Variants in HERC1 observed in about 807,000 individuals in gnomAD.
HERC1 encodes HECT and RLD domain containing E3 ubiquitin protein ligase family member 1.
A neutral mutation model predicts 554.3 loss-of-function variants in HERC1; 160 were observed. That is an observed-to-expected ratio of 0.29 (90% CI 0.25 to 0.33). The LOEUF (loss-of-function observed/expected upper bound fraction) is 0.33, where lower values mean the gene tolerates loss of function less well. Among genes scored for constraint, HERC1 ranks in the 10% least tolerant of loss-of-function variants. The probability of loss-of-function intolerance (pLI) is 1.00; values close to 1 mark genes in which losing one functional copy is unlikely to be tolerated. For missense variants in HERC1, 4,919 were observed against 5,918.5 expected (o/e 0.83, Z 5.54); for synonymous variants, 2,175 against 2,131.7 (o/e 1.02, Z -0.56).
In HERC1 at chr15:63,686,503, A is replaced by T. The variant is rs975550549; in HGVS notation, c.6081T>A (p.Asn2027Lys). ...CAAAGGATACTTCTTGGATAGGAAG[A>T]TTCTCATCTTCTTCTTCCAACTCGC... is the stretch of plus-strand genomic sequence containing the variant. Reference protein sequence around the residue: ...KQGELEEEDENLPIQEVSFDP... With the variant: ...KQGELEEEDEKLPIQEVSFDP... Residue 2027 changes from asparagine (N) to lysine (K), a missense_variant, in exon 34 of 78, where the codon AAT (asparagine) becomes AAA (lysine). Around this residue, in one of 11 missense-constraint regions of HERC1, gnomAD observed 1,121 missense variants for 1,244.0 expected, o/e 0.90. Coordinates refer to ENST00000443617, the MANE Select transcript of HERC1 (RefSeq NM_003922.4). 1 of 1,613,552 alleles carries T rather than the reference A, an allele frequency of 6.2e-7. No homozygotes were observed. The highest frequency in any genetic ancestry group is 1.7e-4 in the Middle Eastern group (1 of 6,060).
chr15:63,622,059 A>C lies in HERC1; in HGVS notation c.13688+756T>G, dbSNP rs1184113337. On this transcript the variant is annotated intron_variant, in intron 74 of 77. Coordinates refer to ENST00000443617, the MANE Select transcript of HERC1 (RefSeq NM_003922.4). Reference sequence around the variant, plus strand: ...GAGCTGCGTAATCATTCTGTTTTTAATTTACAAGTCCATGAAACAGGATCC... The same window carrying C: ...GAGCTGCGTAATCATTCTGTTTTTACTTTACAAGTCCATGAAACAGGATCC... Among the ~76,000 whole-genome samples the C allele has an allele frequency of 9.2e-5, 14 of 152,184 alleles. No homozygotes were observed. The East Asian group carries it at 2.5e-3, about 27-fold the overall frequency.
At chr15:63,802,958 C>T (rs1179604857) in intron 1 of HERC1, among the ~76,000 whole-genome samples, 1 of 152,124 alleles carries the variant, frequency 6.6e-6, no homozygotes, top group East Asian at 1.9e-4. Flanking sequence ...GCCTATAATC[C>T]CAACACTTCG....
At chr15:63,610,876 G>GA (rs753860051) in intron 77 of HERC1, among the ~76,000 whole-genome samples, 4 of 152,206 alleles carry the variant, frequency 2.6e-5, no homozygotes, top group Non-Finnish European at 4.4e-5. Context: ...TGGGGATGGA[G>GA]ACAGAGGGAG....
chr15:63,810,293 T>A (rs896036418), intron 1 of HERC1, among the ~76,000 whole-genome samples: 3 of 152,048 alleles, frequency 2.0e-5, no homozygotes, highest in African/African-American at 7.2e-5. Context: ...GATGAATGGA[T>A]AAACAAAATG....
chr15:63,669,729 A>G, intron 39 of HERC1, 31 bp from the exon 40 acceptor site: 1 of 1,599,044 alleles, frequency 6.3e-7, no homozygotes, highest in Non-Finnish European at 8.6e-7. Context: ...TTAGCATAAA[A>G]ATCCAATTTA....
At position 63,694,710 on chromosome 15, in the gene HERC1, T is replaced by A; in HGVS notation, c.5242+64A>T. 15 of 1,598,090 alleles carry A rather than the reference T, an allele frequency of 9.4e-6. No homozygotes were observed. Among genetic ancestry groups the A allele is most frequent in the Non-Finnish European group, 1.3e-5 (15 of 1,165,456 alleles). ...TTAAACACAAAATATAGAACATAACTAGTACCATAACCTCGGGCTAAAATG... is the reference window on the plus strand; with the variant it reads ...TTAAACACAAAATATAGAACATAACAAGTACCATAACCTCGGGCTAAAATG... On this transcript the variant is annotated intron_variant, in intron 28 of 77. Coordinates refer to ENST00000443617, the MANE Select transcript of HERC1 (RefSeq NM_003922.4). This position sits in a 1 kb window ranked among gnomAD's most constrained non-coding sequence, Gnocchi z 4.3.
intron 39 of HERC1, among the ~76,000 whole-genome samples, chr15:63,671,710 A>C (rs1027247162): frequency 3.9e-5 from 6 of 152,210 alleles, no homozygotes; most frequent in African/African-American, 1.4e-4. Flanking sequence ...GGGCACACCA[A>C]AAATTGAGAA....
In HERC1 at chr15:63,609,044, T is replaced by C. The variant is rs143097937; in HGVS notation, c.*37A>G. ...AACATCAAATCAGAAGTGAGCATTA[T>C]TGAGGGAGAGAAGGGAGGGTGAGAG... On this transcript the variant is annotated 3_prime_UTR_variant, in exon 78 of 78. Coordinates refer to ENST00000443617, the MANE Select transcript of HERC1 (RefSeq NM_003922.4). 6.2e-4 allele frequency: 972 copies of C among 1,577,220 alleles called. 14 individuals carry two copies. The East Asian group carries it at 0.015, about 24-fold the overall frequency.
rs902372431 is a variant in HERC1 at position 63,716,157 on chromosome 15, A to T, written c.4150+145T>A. On this transcript the variant is annotated intron_variant, in intron 22 of 77. Transcript: ENST00000443617. Reference sequence around the variant, plus strand: ...TAGCACAGTTGTAGGAGCCCCTGTCAGCTAATACAAATTGAGATCACCAGC... The same window carrying T: ...TAGCACAGTTGTAGGAGCCCCTGTCTGCTAATACAAATTGAGATCACCAGC... The T allele has an allele frequency of 1.6e-5, 11 of 689,560 alleles. No individual in the cohort carries two copies. The East Asian group carries it at 2.9e-4, about 18-fold the overall frequency. 42.7% of individuals were successfully genotyped at this position (689,560 alleles called of 1,614,324 possible).
At position 63,723,367 on chromosome 15, in the gene HERC1, AC is replaced by A; in HGVS notation, c.3569-13del. The A allele has an allele frequency of 6.6e-7, 1 of 1,512,706 alleles. No homozygotes were observed. The highest frequency in any genetic ancestry group is 1.3e-5 in the South Asian group (1 of 78,292). The allele number at this position is 1,512,706 out of a possible 1,614,324, so 93.7% of individuals were successfully genotyped here. ...ACTCATACATTTATCTAAAAAAAAT[AC>A]TCACGTTACCAATTTTAACATCATA... On this transcript the variant is annotated splice_polypyrimidine_tract_variant and intron_variant, in intron 18 of 77. Coordinates refer to ENST00000443617, the MANE Select transcript of HERC1 (RefSeq NM_003922.4).
intron 12 of HERC1, among the ~76,000 whole-genome samples, chr15:63,738,420 C>T: frequency 6.6e-6 from 1 of 151,968 alleles, no homozygotes; most frequent in Non-Finnish European, 1.5e-5. Context: ...TAGTATTAAA[C>T]CAATACTAAT....
At chr15:63,681,582 C>G (rs933139621) in intron 34 of HERC1, among the ~76,000 whole-genome samples, 27 of 151,270 alleles carry the variant, frequency 1.8e-4, no homozygotes, top group Middle Eastern at 3.4e-3. Flanking sequence ...GTTTCTTACA[C>G]TGATTTAAAA....
chr15:63,776,170 C>A (rs978304993), intron 1 of HERC1, among the ~76,000 whole-genome samples: 2 of 152,134 alleles, frequency 1.3e-5, no homozygotes, highest in Non-Finnish European at 1.5e-5. Context: ...TATCTCCAAC[C>A]CAGGCCTTCT....
chr15:63,696,892 C>A (rs1359634495), intron 26 of HERC1, among the ~76,000 whole-genome samples: 1 of 149,646 alleles, frequency 6.7e-6, no homozygotes, highest in Non-Finnish European at 1.5e-5. Flanking sequence ...CCTAGGAAGA[C>A]ACTCCCCATC....
At chr15:63,782,851 T>G (rs143293711) in intron 1 of HERC1, among the ~76,000 whole-genome samples, 304 of 152,292 alleles carry the variant, frequency 2.0e-3, no homozygotes, top group African/African-American at 7.2e-3. Flanking sequence ...TACGGATGAC[T>G]TTGAGAGGTT....
chr15:63,645,146 G>C, intron 56 of HERC1, 49 bp from the exon 57 acceptor site: 3 of 1,319,668 alleles, frequency 2.3e-6, no homozygotes, highest in Non-Finnish European at 3.3e-6. Context: ...TATGCATTAA[G>C]TAAAAATATT....
intron 1 of HERC1, among the ~76,000 whole-genome samples, chr15:63,801,935 A>G (rs1464231980): frequency 6.6e-6 from 1 of 152,192 alleles, no homozygotes; most frequent in African/African-American, 2.4e-5. Context: ...AGCATGATAT[A>G]CCCACTCAGA....
At chr15:63,729,751 G>C in intron 14 of HERC1, 102 bp from the exon 15 acceptor site, 3 of 1,127,836 alleles carry the variant, frequency 2.7e-6, no homozygotes, top group Non-Finnish European at 3.8e-6. Flanking sequence ...GGCTGGGTGC[G>C]GTGACTCACA....
chr15:63,637,681 A>G (rs1250887709), intron 63 of HERC1, 38 bp from the exon 64 acceptor site: 1 of 1,490,494 alleles, frequency 6.7e-7, no homozygotes, highest in Non-Finnish European at 9.1e-7. Flanking sequence ...TTTATTCTTT[A>G]TTATATTGCT....
Sources: gnomAD v4.1 joint callset for allele counts (sites outside exome capture counted in the v4.1 genomes callset) on GRCh38, gnomAD v4.1.1 for gene constraint, gnomAD v4.1.1 regional missense constraint, Gnocchi (gnomAD v3.1) non-coding constraint, MANE v1.5 for transcripts, NCBI Gene and HGNC (gene_info 2026-07-23, HGNC 2026-07-21) for gene names.